The following CDH8 variants were observed in gnomAD, a reference collection of about 807,000 sequenced individuals.
CDH8 encodes cadherin-8.
A neutral mutation model predicts 68.1 loss-of-function variants in CDH8; 17 were observed. The observed-to-expected ratio is 0.25, with a 90% confidence interval of 0.17 to 0.37. CDH8 has a LOEUF of 0.37. Among genes scored for constraint, CDH8 ranks in the 10% least tolerant of loss-of-function variants. The probability of loss-of-function intolerance (pLI) is 1.00; values close to 1 mark genes in which losing one functional copy is unlikely to be tolerated. For synonymous variants in CDH8, 372 were observed against 365.1 expected (o/e 1.02, Z -0.21); for missense variants, 763 against 999.3 (o/e 0.76, Z 3.19).
At position 61,647,560 on chromosome 16, in the gene CDH8, G is replaced by A. The variant is rs1417392975; in HGVS notation, c.*6048C>T. Reference sequence around the variant, plus strand: ...TTCCTCTTATTTGTGAGGGATCATAGGATGGCCTGAAGTTCTTTGCATGTA... The same window carrying A: ...TTCCTCTTATTTGTGAGGGATCATAAGATGGCCTGAAGTTCTTTGCATGTA... On this transcript the variant is annotated 3_prime_UTR_variant, in exon 12 of 12. Coordinates refer to ENST00000577390, the MANE Select transcript of CDH8 (RefSeq NM_001796.5). 2 of 482,680 alleles carry A rather than the reference G, an allele frequency of 4.1e-6. No individual in the cohort carries two copies. Among genetic ancestry groups the A allele is most frequent in the Admixed American group, 3.8e-5 (1 of 26,416 alleles). The allele number at this position is 482,680 out of a possible 1,614,324, so 29.9% of individuals were successfully genotyped here. A position where few individuals can be genotyped will look rare whatever the true frequency, so the allele number is the denominator to read the frequency against.
At chr16:61,762,555 C>T (rs184790857) in intron 8 of CDH8, among the ~76,000 whole-genome samples, 22 of 152,184 alleles carry the variant, frequency 1.4e-4, no homozygotes, top group African/African-American at 5.3e-4. Context: ...GACTACACTG[C>T]AGTATGAGTG....
intron 10 of CDH8, among the ~76,000 whole-genome samples, chr16:61,657,496 T>C (rs1963470587): frequency 6.6e-6 from 1 of 152,120 alleles, no homozygotes; most frequent in South Asian, 2.1e-4. Context: ...TAAGCAGTTA[T>C]ATACCAAATG....
Position 61,847,816 on chromosome 16 carries a change from A to G in CDH8, c.667+9303T>C, listed in dbSNP as rs138931162. On this transcript the variant is annotated intron_variant, in intron 4 of 11. Coordinates refer to ENST00000577390, the MANE Select transcript of CDH8 (RefSeq NM_001796.5). ...GAAGGAGGGAACTACAACAATAAAC[A>G]TAAAAGATTACTGTCTATATCTATC... Among the ~76,000 whole-genome samples, 23 of 151,904 alleles carry G rather than the reference A, an allele frequency of 1.5e-4. 1 individual carries two copies. The East Asian group carries it at 4.5e-3, about 30-fold the overall frequency.
chr16:61,797,811 A>G (rs948204976), intron 7 of CDH8, among the ~76,000 whole-genome samples: 1 of 152,152 alleles, frequency 6.6e-6, no homozygotes, highest in African/African-American at 2.4e-5. Context: ...ATTTGCACCA[A>G]TAGGGTGAAG....
At position 61,968,288 on chromosome 16, in the gene CDH8, C is replaced by T. The variant is rs62052044; in HGVS notation, c.252+52864G>A. Among the ~76,000 whole-genome samples the T allele has an allele frequency of 9.7e-3, 1,483 of 152,276 alleles. 10 individuals are homozygous for T. The highest frequency in any genetic ancestry group is 0.015 in the Non-Finnish European group (1,054 of 68,024). On this transcript the variant is annotated intron_variant, in intron 2 of 11. Transcript: ENST00000577390. ...ACAGGTTAAGTATCTGAAGGTTTTTCCTCCTCCTTTCATTCACCCTCGTCT... is the reference window on the plus strand; with the variant it reads ...ACAGGTTAAGTATCTGAAGGTTTTTTCTCCTCCTTTCATTCACCCTCGTCT...
chr16:61,932,079 C>G (rs1276956977), intron 2 of CDH8, among the ~76,000 whole-genome samples: 1 of 151,654 alleles, frequency 6.6e-6, no homozygotes, highest in Non-Finnish European at 1.5e-5. Context: ...TGGTGGTGGG[C>G]GCCTGTAGTC....
At chr16:61,888,976 A>G (rs1963726610) in intron 3 of CDH8, among the ~76,000 whole-genome samples, 1 of 152,298 alleles carries the variant, frequency 6.6e-6, no homozygotes, top group East Asian at 1.9e-4. Flanking sequence ...CCCTGACAAA[A>G]GGAAAATGAA....
intron 10 of CDH8, among the ~76,000 whole-genome samples, chr16:61,695,729 G>C (rs1217420436): frequency 6.6e-6 from 1 of 152,126 alleles, no homozygotes; most frequent in Non-Finnish European, 1.5e-5. Context: ...GTAATATCTA[G>C]AAGAAAACTA....
At chr16:61,722,589 C>T (rs2142884437) in intron 9 of CDH8, among the ~76,000 whole-genome samples, 1 of 150,872 alleles carries the variant, frequency 6.6e-6, no homozygotes, top group Middle Eastern at 3.4e-3. Flanking sequence ...AAGAGGTTAG[C>T]ATGCATACTG....
intron 10 of CDH8, among the ~76,000 whole-genome samples, chr16:61,675,381 T>C (rs542301619): frequency 8.5e-5 from 12 of 140,866 alleles, no homozygotes; most frequent in Admixed American, 3.9e-4. Context: ...TTCTCACTCA[T>C]AGGTGGGAAT....
In CDH8 at chr16:62,021,333, G is replaced by A. The variant is rs144033516; in HGVS notation, c.71C>T (p.Pro24Leu). 16 of 1,613,982 alleles carry A rather than the reference G, an allele frequency of 9.9e-6. No homozygotes were observed. The highest frequency in any genetic ancestry group is 1.4e-5 in the Non-Finnish European group (16 of 1,179,942). The change falls in exon 2 of 12, where the codon CCC becomes CTC. Residue 24 changes from proline (P) to leucine (L), a missense_variant. Coordinates refer to ENST00000577390, the MANE Select transcript of CDH8 (RefSeq NM_001796.5). ...CATCGGAGCCATGTAAATGCAAGGG[G>A]GAAGAGTAATCCATAATATTATTAA... ...TPLIILWITL[P>L]PCIYMAPMNQ...
At chr16:61,718,265 C>T (rs1201536820) in intron 9 of CDH8, among the ~76,000 whole-genome samples, 1 of 151,396 alleles carries the variant, frequency 6.6e-6, no homozygotes, top group East Asian at 1.9e-4. Flanking sequence ...CAGTAAAATG[C>T]ACACCAAGTG....
At chr16:62,017,798 CTT>C (rs1459821170) in intron 2 of CDH8, among the ~76,000 whole-genome samples, 1 of 152,182 alleles carries the variant, frequency 6.6e-6, no homozygotes, top group Non-Finnish European at 1.5e-5. Context: ...TCCCCAGTGA[CTT>C]TGCATAAACT....
chr16:61,665,571 G>A (rs1442960231), intron 10 of CDH8, among the ~76,000 whole-genome samples: 1 of 151,872 alleles, frequency 6.6e-6, no homozygotes, highest in Admixed American at 6.6e-5. Flanking sequence ...TTAAAACCTA[G>A]AAGACAGGTT....
intron 7 of CDH8, among the ~76,000 whole-genome samples, chr16:61,790,923 T>C (rs546653920): frequency 6.6e-6 from 1 of 152,044 alleles, no homozygotes; most frequent in Admixed American, 6.6e-5. Context: ...CTATTTCTTT[T>C]TCATTAGAGA....
intron 1 of CDH8, among the ~76,000 whole-genome samples, chr16:62,031,817 T>A (rs1394886148): frequency 6.6e-6 from 1 of 152,134 alleles, no homozygotes; most frequent in African/African-American, 2.4e-5. Flanking sequence ...GCCCCGGTGC[T>A]TTGCCATGAA....
intron 4 of CDH8, among the ~76,000 whole-genome samples, chr16:61,856,674 G>A (rs1033442423): frequency 1.5e-4 from 23 of 152,098 alleles, no homozygotes; most frequent in Admixed American, 7.2e-4. Context: ...ACCACATGAC[G>A]TGCACTGTGT....
intron 9 of CDH8, chr16:61,725,984 G>A (rs550098561): frequency 4.6e-5 from 7 of 150,714 alleles, no homozygotes; most frequent in Admixed American, 2.0e-4. Flanking sequence ...AGTAGTCTAC[G>A]GAGAAATGCC....
intron 7 of CDH8, among the ~76,000 whole-genome samples, chr16:61,815,102 C>T (rs1962042192): frequency 1.3e-5 from 2 of 152,192 alleles, no homozygotes; most frequent in South Asian, 4.1e-4. Flanking sequence ...ACTTGCCTGA[C>T]ATCTATCAGA....
Sources: allele counts gnomAD v4.1 joint callset (sites outside exome capture counted in the v4.1 genomes callset), GRCh38; gene constraint gnomAD v4.1.1; transcripts MANE v1.5; gene names NCBI Gene and HGNC (gene_info 2026-07-23, HGNC 2026-07-21).